Variants in KLHL22 observed in about 807,000 individuals in gnomAD.
The protein encoded by KLHL22 is kelch-like protein 22.
KLHL22 carries 18 observed loss-of-function variants against 60.7 expected under a neutral mutation model. The observed-to-expected ratio is 0.30, with a 90% confidence interval of 0.20 to 0.44. The LOEUF (loss-of-function observed/expected upper bound fraction) is 0.44, where lower values mean the gene tolerates loss of function less well. Ranked by LOEUF, KLHL22 falls within the 20% of genes least tolerant of loss-of-function variation. KLHL22 has a pLI of 1.00. For missense variants in KLHL22, 596 were observed against 852.3 expected (o/e 0.70, Z 3.74); for synonymous variants, 355 against 354.5 (o/e 1.00, Z -0.01).
At chr22:20,493,974 G>A (rs1483298154) in intron 1 of KLHL22, among the ~76,000 whole-genome samples, 6 of 151,888 alleles carry the variant, frequency 4.0e-5, no homozygotes, top group Non-Finnish European at 8.8e-5. Context: ...GAGGAAGGGG[G>A]AAGCTGAGGC....
chr22:20,465,115 G>A lies in KLHL22; in HGVS notation c.855C>T (p.Ser285=). 1 of 1,613,988 alleles carries A rather than the reference G, an allele frequency of 6.2e-7. No individual in the cohort carries two copies. Among genetic ancestry groups the A allele is most frequent in the Non-Finnish European group, 8.5e-7 (1 of 1,180,022 alleles). The change falls in exon 4 of 7, where the codon AGC becomes AGT. Residue 285 remains serine, a synonymous_variant. Coordinates refer to ENST00000328879, the MANE Select transcript of KLHL22 (RefSeq NM_032775.4). The surrounding 1 kb of genome is among the most constrained non-coding windows in gnomAD (Gnocchi z 4.9). ...MYHRNESLQP[S]LQSPQTELRS... is the part of the protein sequence containing the mutation. ...GCAGCTCCGTTTGCGGGCTCTGCAG[G>A]CTGGGCTGTAGGCTCTCGTTCCGGT...
intron 5 of KLHL22, among the ~76,000 whole-genome samples, chr22:20,453,304 C>T (rs983316657): frequency 1.3e-5 from 2 of 151,502 alleles, no homozygotes; most frequent in Admixed American, 6.6e-5. Context: ...ACTCCATAAA[C>T]CATTTTGAAT....
At chr22:20,487,092 G>A (rs186602345) in intron 2 of KLHL22, among the ~76,000 whole-genome samples, 26 of 151,254 alleles carry the variant, frequency 1.7e-4, no homozygotes, top group African/African-American at 6.3e-4. Context: ...GCTAGTTTTT[G>A]TATTTTTAGC....
Position 20,446,434 on chromosome 22 carries a change from C to T in KLHL22, c.1539+9G>A. The T allele has an allele frequency of 1.9e-6, 3 of 1,545,070 alleles. No homozygotes were observed. The highest frequency in any genetic ancestry group is 2.7e-6 in the Non-Finnish European group (3 of 1,124,578). ...ATGACGGGTGTGGACTGCCCCGGGC[C>T]CCACTCACCTGGTGCACGTCCCTCC... is the stretch of plus-strand genomic sequence containing the variant. On this transcript the variant is annotated intron_variant, in intron 6 of 6. Transcript: ENST00000328879.
intron 4 of KLHL22, among the ~76,000 whole-genome samples, chr22:20,462,550 A>T (rs559964952): frequency 2.0e-5 from 3 of 147,984 alleles, no homozygotes; most frequent in Non-Finnish European, 4.5e-5. Flanking sequence ...GGTAGAGACG[A>T]GGTCTCGCTT....
chr22:20,494,630 G>A (rs953579211), intron 1 of KLHL22, among the ~76,000 whole-genome samples: 1 of 152,104 alleles, frequency 6.6e-6, no homozygotes, highest in African/African-American at 2.4e-5. Context: ...GCCAGCCTTG[G>A]CCTCCCAAAG....
intron 3 of KLHL22, among the ~76,000 whole-genome samples, chr22:20,470,369 G>A (rs549810366): frequency 2.0e-3 from 296 of 151,022 alleles, no homozygotes; most frequent in Middle Eastern, 6.9e-3. Flanking sequence ...AAAAAAATAG[G>A]CCAGGCGCAG....
intron 5 of KLHL22, among the ~76,000 whole-genome samples, chr22:20,453,128 C>T (rs1218469648): frequency 6.6e-6 from 1 of 151,914 alleles, no homozygotes; most frequent in African/African-American, 2.4e-5. Flanking sequence ...CCTAAACAAC[C>T]TTTGCTCTGA....
chr22:20,458,055 C>CA, intron 4 of KLHL22, 55 bp from the exon 5 acceptor site: 1 of 1,582,010 alleles, frequency 6.3e-7, no homozygotes. Flanking sequence ...GGCTGCTCCG[C>CA]AGGCTTGCAC....
chr22:20,488,903 C>G (rs2053633584), intron 2 of KLHL22, 82 bp downstream of exon 2: 1 of 1,350,204 alleles, frequency 7.4e-7, no homozygotes, highest in Non-Finnish European at 1.0e-6. Flanking sequence ...AGGAGACCAG[C>G]CACTGTCACC....
Position 20,489,215 on chromosome 22 carries a change from G to GAC in KLHL22, c.-6_-5dup. The GAC allele has an allele frequency of 1.2e-6, 2 of 1,613,776 alleles. No homozygotes were observed. Among genetic ancestry groups the GAC allele is most frequent in the Non-Finnish European group, 1.7e-6 (2 of 1,179,980 alleles). ...TGAACTCCTGCTCCTCTGCCATCCT[G>GAC]ACAGCCACAAGATCCCTTACAACTG... On this transcript the variant is annotated 5_prime_UTR_variant, in exon 2 of 7. Coordinates refer to ENST00000328879, the MANE Select transcript of KLHL22 (RefSeq NM_032775.4).
intron 2 of KLHL22, among the ~76,000 whole-genome samples, chr22:20,480,827 C>CTTTTT (rs760373717): frequency 5.8e-5 from 7 of 121,560 alleles, no homozygotes; most frequent in Non-Finnish European, 1.0e-4. Flanking sequence ...TTACGCCAAA[C>CTTTTT]TTTTTTTTTT....
At chr22:20,479,077 C>T (rs2053458483) in intron 2 of KLHL22, among the ~76,000 whole-genome samples, 1 of 150,750 alleles carries the variant, frequency 6.6e-6, no homozygotes, top group African/African-American at 2.4e-5. Flanking sequence ...TGCAGTGAGC[C>T]GAGATGATGC....
chr22:20,470,771 C>CACGGATGGATGGATAGATGG (rs1456568439), intron 3 of KLHL22, among the ~76,000 whole-genome samples: 6 of 56,520 alleles, frequency 1.1e-4, no homozygotes, highest in African/African-American at 1.9e-4. Context: ...TGGATGCATG[C>CACGGATGGATGGATAGATGG]ATGGATGGAT....
chr22:20,464,780 G>A (rs1885285541), intron 4 of KLHL22, 78 bp downstream of exon 4: 10 of 885,398 alleles, frequency 1.1e-5, no homozygotes, highest in Non-Finnish European at 1.6e-5. Flanking sequence ...GGGGGAACCT[G>A]ACCAGCTCTC....
intron 4 of KLHL22, among the ~76,000 whole-genome samples, chr22:20,459,036 C>T (rs1601340357): frequency 6.6e-6 from 1 of 152,126 alleles, no homozygotes; most frequent in Non-Finnish European, 1.5e-5. Flanking sequence ...CAACAGGGAG[C>T]ATGGCCTGCA....
intron 3 of KLHL22, among the ~76,000 whole-genome samples, chr22:20,470,906 A>G (rs990204447): frequency 3.9e-5 from 6 of 152,196 alleles, no homozygotes; most frequent in African/African-American, 1.2e-4. Context: ...ATAGATAGAT[A>G]AAGTTCAGTA....
intron 5 of KLHL22, among the ~76,000 whole-genome samples, chr22:20,452,284 C>CA (rs1487428175): frequency 1.3e-5 from 2 of 150,982 alleles, no homozygotes; most frequent in Non-Finnish European, 2.9e-5. Context: ...GGAACAAATA[C>CA]ATTTTCTAAT....
rs935512042 is a variant in KLHL22, at chr22:20,451,130, A to G, written c.1306-4454T>C. 23 of 1,529,176 alleles carry G rather than the reference A, an allele frequency of 1.5e-5. No homozygotes were observed. The African/African-American group carries it at 2.9e-4, about 19-fold the overall frequency. The allele number at this position is 1,529,176 out of a possible 1,614,324, so 94.7% of individuals were successfully genotyped here. On this transcript the variant is annotated intron_variant, in intron 5 of 6. Coordinates refer to ENST00000328879, the MANE Select transcript of KLHL22 (RefSeq NM_032775.4). Reference sequence around the variant, plus strand: ...CAGATCTACGTCATTGGTGGCTGTGATGGTCGTTCCAGCCTTAGTTCAGTG... The same window carrying G: ...CAGATCTACGTCATTGGTGGCTGTGGTGGTCGTTCCAGCCTTAGTTCAGTG...
Sources: gnomAD v4.1 joint callset for allele counts (sites outside exome capture counted in the v4.1 genomes callset) on GRCh38, gnomAD v4.1.1 for gene constraint, Gnocchi (gnomAD v3.1) non-coding constraint, MANE v1.5 for transcripts, NCBI Gene and HGNC (gene_info 2026-07-23, HGNC 2026-07-21) for gene names.